Variants in SYT16 observed in about 807,000 individuals in gnomAD.
SYT16 encodes the protein synaptotagmin-16.
A neutral mutation model predicts 61.4 loss-of-function variants in SYT16; 42 were observed. The ratio of observed to expected loss-of-function variants is 0.68; its 90% CI spans 0.53 to 0.89. The LOEUF (loss-of-function observed/expected upper bound fraction) is 0.89. SYT16 is among the 40% of genes least tolerant of loss of function. The pLI is 0.00. For missense variants in SYT16, 804 were observed against 807.3 expected, an observed-to-expected ratio of 1.00 and a Z score of 0.05; for synonymous variants, 314 against 302.3, an observed-to-expected ratio of 1.04 and a Z score of -0.40.
At chr14:61,947,708 C>T (rs901105897) in intron 1 of SYT16, among the ~76,000 whole-genome samples, 1 of 152,210 alleles carries the variant, frequency 6.6e-6, no homozygotes, top group Admixed American at 6.5e-5. Context: ...AAGATGCCTT[C>T]TCTGGCTTCA....
At chr14:62,079,324 C>A in intron 5 of SYT16, 2 of 1,164,412 alleles carry the variant, frequency 1.7e-6, no homozygotes, top group Non-Finnish European at 1.1e-6. Context: ...TACAAGAAAT[C>A]TAAATTTTCT....
At chr14:62,057,442 G>C (rs966807539) in intron 3 of SYT16, among the ~76,000 whole-genome samples, 1 of 152,096 alleles carries the variant, frequency 6.6e-6, no homozygotes, top group Non-Finnish European at 1.5e-5. Flanking sequence ...GAGACATGGG[G>C]GTAGGGTCGG....
At chr14:62,030,514 C>T (rs1161141441) in intron 3 of SYT16, among the ~76,000 whole-genome samples, 1 of 152,164 alleles carries the variant, frequency 6.6e-6, no homozygotes, top group Non-Finnish European at 1.5e-5. Flanking sequence ...AGAACTACAC[C>T]AGTCCAAATC....
At chr14:61,941,690 T>A (rs1315276217) in intron 1 of SYT16, among the ~76,000 whole-genome samples, 1 of 152,176 alleles carries the variant, frequency 6.6e-6, no homozygotes, top group East Asian at 1.9e-4. Flanking sequence ...GCTCTGCAGC[T>A]CCCTTTAGTA....
chr14:61,937,087 G>A (rs1375460547), intron 1 of SYT16, among the ~76,000 whole-genome samples: 2 of 152,234 alleles, frequency 1.3e-5, no homozygotes, highest in Admixed American at 6.5e-5. Context: ...TTCAGTGGAA[G>A]CTGGGCTGGC....
At chr14:62,015,343 TG>T (rs1179693898) in intron 3 of SYT16, among the ~76,000 whole-genome samples, 3 of 152,226 alleles carry the variant, frequency 2.0e-5, no homozygotes, top group African/African-American at 7.2e-5. Context: ...CTGTCACCAC[TG>T]TATTTCATCA....
chr14:62,092,950 C>A (rs1225835440), intron 7 of SYT16, among the ~76,000 whole-genome samples: 2 of 151,802 alleles, frequency 1.3e-5, no homozygotes, highest in East Asian at 3.8e-4. Context: ...GAGGATATTG[C>A]AAAACCAGGT....
intron 3 of SYT16, among the ~76,000 whole-genome samples, chr14:62,065,316 A>G (rs2056014900): frequency 6.6e-6 from 1 of 152,204 alleles, no homozygotes; most frequent in Admixed American, 6.5e-5. Flanking sequence ...AAGTTACTTA[A>G]CTTTTCTCTG....
At chr14:62,068,806 T>G (rs2056170852) in intron 3 of SYT16, among the ~76,000 whole-genome samples, 1 of 152,008 alleles carries the variant, frequency 6.6e-6, no homozygotes, top group Non-Finnish European at 1.5e-5. Context: ...CTTCTTTTTC[T>G]TTTTTTTGAG....
intron 3 of SYT16, among the ~76,000 whole-genome samples, chr14:62,039,877 ACG>A (rs1491513477): frequency 0.05 from 3,730 of 74,970 alleles, 78 homozygotes; most frequent in South Asian, 0.11. Context: ...ACACACACAC[ACG>A]CACATACACA....
At chr14:61,864,706 TGTG>T (rs931502784) in intron 1 of SYT16, among the ~76,000 whole-genome samples, 2 of 152,232 alleles carry the variant, frequency 1.3e-5, no homozygotes, top group African/African-American at 4.8e-5. Context: ...GCCGATATGA[TGTG>T]GTGGCGACTG....
At chr14:61,924,154 G>T (rs116512831) in intron 1 of SYT16, among the ~76,000 whole-genome samples, 2,595 of 152,210 alleles carry the variant, frequency 0.017, 21 homozygotes, top group Middle Eastern at 0.048. Flanking sequence ...GATGAACTTG[G>T]TTACTCCCAG....
In SYT16 at chr14:61,900,788, T is replaced by C. The variant is rs2048485506; in HGVS notation, c.-324-69344T>C. Among the ~76,000 whole-genome samples the C allele has an allele frequency of 2.0e-5, 3 of 152,340 alleles. No individual in the cohort carries two copies. In the South Asian group the frequency reaches 6.2e-4, roughly 32 times the overall value. On this transcript the variant is annotated intron_variant, in intron 1 of 7. Coordinates refer to ENST00000683842, the MANE Select transcript of SYT16 (RefSeq NM_001367656.1). ...AGGAAGGAGGGAGGGCCTGTTTGGCTTGGCTTGGACTATGTACCCACCACC... is the reference window on the plus strand; with the variant it reads ...AGGAAGGAGGGAGGGCCTGTTTGGCCTGGCTTGGACTATGTACCCACCACC...
chr14:62,051,758 G>A (rs1462643071), intron 3 of SYT16, among the ~76,000 whole-genome samples: 3 of 152,138 alleles, frequency 2.0e-5, no homozygotes, highest in Non-Finnish European at 4.4e-5. Flanking sequence ...GCAGTTTTTG[G>A]CTGGGCATGG....
At chr14:62,047,862 C>T (rs959971346) in intron 3 of SYT16, among the ~76,000 whole-genome samples, 18 of 152,184 alleles carry the variant, frequency 1.2e-4, no homozygotes, top group Non-Finnish European at 2.1e-4. Flanking sequence ...TGATGTACTA[C>T]TGGATTCGGT....
chr14:62,025,662 A>G (rs114029199), intron 3 of SYT16, among the ~76,000 whole-genome samples: 2,262 of 152,004 alleles, frequency 0.015, 40 homozygotes, highest in African/African-American at 0.04. Context: ...TATTTTTTTC[A>G]TAATTTTTTG....
chr14:62,041,923 A>G (rs934043478), intron 3 of SYT16, among the ~76,000 whole-genome samples: 7 of 152,156 alleles, frequency 4.6e-5, no homozygotes, highest in African/African-American at 1.7e-4. Context: ...CAAATCTGCC[A>G]TCAATCCCAG....
chr14:62,069,178 G>A (rs1462677521), intron 3 of SYT16, among the ~76,000 whole-genome samples: 1 of 152,238 alleles, frequency 6.6e-6, no homozygotes, highest in African/African-American at 2.4e-5. Context: ...GATTGGCTAT[G>A]TGTGTTTTAA....
chr14:62,063,905 C>T (rs12431589), intron 3 of SYT16, among the ~76,000 whole-genome samples: 23,675 of 152,088 alleles, frequency 0.16, 1,956 homozygotes, highest in South Asian at 0.24. Flanking sequence ...AGAAAGATTG[C>T]GGGAGAGTCA....
Sources: allele counts gnomAD v4.1 joint callset (sites outside exome capture counted in the v4.1 genomes callset), GRCh38; gene constraint gnomAD v4.1.1; transcripts MANE v1.5; gene names NCBI Gene and HGNC (gene_info 2026-07-23, HGNC 2026-07-21).